Variants in CADM2 observed in about 807,000 individuals in gnomAD.
CADM2 encodes cell adhesion molecule 2.
A neutral mutation model predicts 49.8 loss-of-function variants in CADM2; 12 were observed. The ratio of observed to expected loss-of-function variants is 0.24; its 90% CI spans 0.15 to 0.39. CADM2 has a LOEUF of 0.39. Ranked by LOEUF, CADM2 falls within the 10% of genes least tolerant of loss-of-function variation. The pLI is 1.00. For synonymous variants in CADM2, 214 were observed against 175.4 expected (o/e 1.22, Z -1.74); for missense variants, 378 against 492.3 (o/e 0.77, Z 2.20).
At chr3:85,928,059 A>G (rs1341419402) in intron 6 of CADM2, among the ~76,000 whole-genome samples, 1 of 152,108 alleles carries the variant, frequency 6.6e-6, no homozygotes, top group Non-Finnish European at 1.5e-5. Context: ...CTGGATCAAT[A>G]TCTTTACTTT....
intron 9 of CADM2, 118 bp downstream of exon 9, chr3:86,065,848 G>A: frequency 1.1e-6 from 1 of 928,064 alleles, no homozygotes; most frequent in Non-Finnish European, 1.5e-6. Context: ...GGGAGATAGA[G>A]AGAAATGCTA....
chr3:85,328,794 A>G (rs180756277), intron 1 of CADM2, among the ~76,000 whole-genome samples: 1 of 152,210 alleles, frequency 6.6e-6, no homozygotes, highest in African/African-American at 2.4e-5. Context: ...GGATACATAG[A>G]CATCATTTGA....
chr3:85,863,553 G>A (rs908074612), intron 3 of CADM2, among the ~76,000 whole-genome samples: 1 of 152,144 alleles, frequency 6.6e-6, no homozygotes, highest in Non-Finnish European at 1.5e-5. Flanking sequence ...TCACACACTT[G>A]CTTGTCCTTC....
intron 1 of CADM2, among the ~76,000 whole-genome samples, chr3:85,234,677 G>C (rs2042372665): frequency 6.6e-6 from 1 of 152,118 alleles, no homozygotes; most frequent in South Asian, 2.1e-4. Context: ...ACTGGTCAGT[G>C]ATGATGATTC....
chr3:85,755,998 C>T (rs934418082), intron 2 of CADM2, among the ~76,000 whole-genome samples: 3 of 152,090 alleles, frequency 2.0e-5, no homozygotes, highest in African/African-American at 7.2e-5. Context: ...TTGGCAAGCC[C>T]CTCCCTTGAC....
chr3:85,237,773 A>C (rs951400145), intron 1 of CADM2, among the ~76,000 whole-genome samples: 1 of 151,830 alleles, frequency 6.6e-6, no homozygotes, highest in African/African-American at 2.4e-5. Context: ...AGTGATTTTT[A>C]CATTACTAGT....
intron 1 of CADM2, among the ~76,000 whole-genome samples, chr3:85,613,609 G>C (rs1398076451): frequency 6.6e-6 from 1 of 151,478 alleles, no homozygotes; most frequent in East Asian, 1.9e-4. Context: ...CTTTTGGTTT[G>C]AGAATGACAC....
intron 1 of CADM2, among the ~76,000 whole-genome samples, chr3:85,142,068 T>TA: frequency 6.6e-6 from 1 of 152,344 alleles, no homozygotes. Context: ...ATCACATAGT[T>TA]ACACCTCACT....
intron 2 of CADM2, among the ~76,000 whole-genome samples, chr3:85,748,721 C>G (rs150829492): frequency 2.0e-4 from 30 of 152,178 alleles, no homozygotes; most frequent in Non-Finnish European, 3.2e-4. Flanking sequence ...CTGTATTTGC[C>G]TCTCTCAGGT....
intron 2 of CADM2, among the ~76,000 whole-genome samples, chr3:85,733,681 G>C (rs1321959857): frequency 6.6e-6 from 1 of 152,088 alleles, no homozygotes; most frequent in Non-Finnish European, 1.5e-5. Context: ...ATGAAAACAA[G>C]GCTCAATTTT....
chr3:85,272,969 C>A (rs1359158427), intron 1 of CADM2, among the ~76,000 whole-genome samples: 1 of 150,862 alleles, frequency 6.6e-6, no homozygotes, highest in African/African-American at 2.4e-5. Context: ...TGAACAACAA[C>A]AACAATTAGG....
intron 1 of CADM2, among the ~76,000 whole-genome samples, chr3:85,326,676 T>G (rs2044761052): frequency 6.6e-6 from 1 of 152,128 alleles, no homozygotes; most frequent in Non-Finnish European, 1.5e-5. Context: ...ATTGTAAAAG[T>G]CTAATGGAAA....
chr3:85,521,340 G>A (rs1344506060), intron 1 of CADM2, among the ~76,000 whole-genome samples: 2 of 152,074 alleles, frequency 1.3e-5, no homozygotes, highest in Non-Finnish European at 2.9e-5. Context: ...ACATATCCAT[G>A]TATGAAAGCT....
At chr3:85,227,308 C>T (rs527921536) in intron 1 of CADM2, among the ~76,000 whole-genome samples, 2 of 152,196 alleles carry the variant, frequency 1.3e-5, no homozygotes, top group African/African-American at 2.4e-5. Flanking sequence ...CTCAGTGCTC[C>T]TGTATAGGGT....
intron 8 of CADM2, among the ~76,000 whole-genome samples, chr3:86,007,312 G>C (rs1335458844): frequency 6.6e-6 from 1 of 151,874 alleles, no homozygotes; most frequent in African/African-American, 2.4e-5. Flanking sequence ...TAACAATAAT[G>C]GTGATTAAAA....
chr3:86,008,498 G>A (rs1167719998), intron 8 of CADM2, among the ~76,000 whole-genome samples: 1 of 151,900 alleles, frequency 6.6e-6, no homozygotes, highest in Non-Finnish European at 1.5e-5. Flanking sequence ...TTGTTTATTT[G>A]CATAAATAAA....
intron 1 of CADM2, among the ~76,000 whole-genome samples, chr3:85,186,956 C>A (rs1200022679): frequency 1.3e-5 from 2 of 151,712 alleles, no homozygotes; most frequent in African/African-American, 4.8e-5. Context: ...AGTGATTAAA[C>A]CATGAGGTTT....
At chr3:85,665,874 T>C (rs1412972746) in intron 1 of CADM2, among the ~76,000 whole-genome samples, 1 of 151,976 alleles carries the variant, frequency 6.6e-6, no homozygotes, top group Non-Finnish European at 1.5e-5. Flanking sequence ...CAATAAGTAA[T>C]AATGAGAAAG....
chr3:86,018,462 C>T (rs1278869313), intron 8 of CADM2, among the ~76,000 whole-genome samples: 1 of 151,806 alleles, frequency 6.6e-6, no homozygotes, highest in Admixed American at 6.6e-5. Context: ...CACTGACTTC[C>T]ACAATGGTTT....
Sources: gnomAD v4.1 joint callset for allele counts (sites outside exome capture counted in the v4.1 genomes callset) on GRCh38, gnomAD v4.1.1 for gene constraint, MANE v1.5 for transcripts, NCBI Gene and HGNC (gene_info 2026-07-23, HGNC 2026-07-21) for gene names.